The following PGC variants were observed in gnomAD, a reference collection of about 807,000 sequenced individuals.
The protein encoded by PGC is gastricsin.
PGC carries 31 observed loss-of-function variants against 45.9 expected under a neutral mutation model. The observed-to-expected ratio is 0.67, with a 90% CI of 0.51 to 0.91. The LOEUF is 0.91. Among genes scored for constraint, PGC ranks in the 40% least tolerant of loss-of-function variants. The pLI, the probability that PGC is intolerant of heterozygous loss-of-function variation, is 0.00. For synonymous variants in PGC, 192 were observed against 201.8 expected, an observed-to-expected ratio of 0.95 and a Z score of 0.41; for missense variants, 477 against 493.2, an observed-to-expected ratio of 0.97 and a Z score of 0.31.
At position 41,742,406 on chromosome 6, in the gene PGC, A is replaced by G; in HGVS notation, c.531T>C (p.Asp177=). The part of the protein sequence containing the change: ...PGTNFVYAQF[D]GIMGLAYPAL... Reference sequence around the variant, plus strand: ...CAGGGTAGGCCAGGCCCATGATGCCATCAAACTGCGCATAGACGAAGTTGG... The same window carrying G: ...CAGGGTAGGCCAGGCCCATGATGCCGTCAAACTGCGCATAGACGAAGTTGG... Residue 177 remains aspartate (D), a synonymous_variant, in exon 5 of 9, where the codon GAT becomes GAC. Coordinates refer to ENST00000373025, the MANE Select transcript of PGC (RefSeq NM_002630.4). The G allele has an allele frequency of 6.2e-7, 1 of 1,614,144 alleles. No homozygotes were observed. Among genetic ancestry groups the G allele is most frequent in the Non-Finnish European group, 8.5e-7 (1 of 1,180,014 alleles).
At position 41,740,518 on chromosome 6, in the gene PGC, T is replaced by A; in HGVS notation, c.740A>T (p.Glu247Val). 1.2e-6 allele frequency: 2 copies of A among 1,610,392 alleles called. No homozygotes were observed. The highest frequency in any genetic ancestry group is 1.7e-6 in the Non-Finnish European group (2 of 1,178,258). Reference protein sequence around the residue: ...GQIYWAPVTQELYWQIGIEEF... With the variant: ...GQIYWAPVTQVLYWQIGIEEF... ...TTCAATGCCAATCTGCCAGTAGAGTTCCTGGGTGACAGGCGCCCAGTAGAT... is the reference window on the plus strand; with the variant it reads ...TTCAATGCCAATCTGCCAGTAGAGTACCTGGGTGACAGGCGCCCAGTAGAT... Residue 247 changes from glutamate to valine, a missense_variant, in exon 6 of 9, where the codon GAA (glutamate) becomes GTA (valine). Coordinates refer to ENST00000373025, the MANE Select transcript of PGC (RefSeq NM_002630.4).
intron 7 of PGC, among the ~76,000 whole-genome samples, chr6:41,738,296 A>T (rs1158025694): frequency 6.8e-6 from 1 of 147,654 alleles, no homozygotes. Flanking sequence ...ATACACAGGC[A>T]TGAGCCATGA....
chr6:41,740,998 T>C (rs2127289624), intron 5 of PGC: 1 of 1,534,136 alleles, frequency 6.5e-7, no homozygotes, highest in Non-Finnish European at 8.7e-7. Flanking sequence ...TGATGCTGAC[T>C]TCTGGGGGGT....
chr6:41,740,841 G>A (rs776307126), intron 5 of PGC: 12 of 1,429,184 alleles, frequency 8.4e-6, no homozygotes, highest in Non-Finnish European at 1.1e-5. Flanking sequence ...GCCTCCCTGA[G>A]GACGAGTCTG....
At chr6:41,741,568 T>C (rs1771824112) in intron 5 of PGC, among the ~76,000 whole-genome samples, 1 of 152,046 alleles carries the variant, frequency 6.6e-6, no homozygotes, top group Non-Finnish European at 1.5e-5. Flanking sequence ...ATAGCTTGAA[T>C]CCGGGAGGCA....
At position 41,744,747 on chromosome 6, in the gene PGC, C is replaced by G. The variant is rs1209329149; in HGVS notation, c.121G>C (p.Glu41Gln). 1 of 1,613,992 alleles carries G rather than the reference C, an allele frequency of 6.2e-7. No homozygotes were observed. The highest frequency in any genetic ancestry group is 8.5e-7 in the Non-Finnish European group (1 of 1,179,876). The change falls in exon 2 of 9, where the codon GAG becomes CAG. Residue 41 changes from glutamate to glutamine, a missense_variant. By Grantham distance (29) the Glu-to-Gln change is conservative. Coordinates refer to ENST00000373025, the MANE Select transcript of PGC (RefSeq NM_002630.4). The surrounding 1 kb of genome is among the most constrained non-coding windows in gnomAD (Gnocchi z 4.4). ...TCATACTTGTGGGTCCTCAGGAACT[C>G]CCCCAGCAAGCCCTTCTCCTTCATG... ...ETMKEKGLLG[E>Q]FLRTHKYDPA... is the part of the protein sequence containing the mutation.
rs182594075 is a variant in PGC, at chr6:41,736,835, G to A, written c.*17C>T. Reference sequence around the variant, plus strand: ...GGTCAAGAGGAAGAGGGGAGCCCACGTGTCGAGGCAGCAAGTCTAGGCGGC... The same window carrying A: ...GGTCAAGAGGAAGAGGGGAGCCCACATGTCGAGGCAGCAAGTCTAGGCGGC... On this transcript the variant is annotated 3_prime_UTR_variant, in exon 9 of 9. Coordinates refer to ENST00000373025, the MANE Select transcript of PGC (RefSeq NM_002630.4). 120 of 1,613,870 alleles carry A rather than the reference G, an allele frequency of 7.4e-5. No homozygotes were observed. In the African/African-American group the frequency reaches 1.2e-3, roughly 16 times the overall value.
intron 1 of PGC, among the ~76,000 whole-genome samples, chr6:41,745,899 A>C (rs1272783620): frequency 2.0e-5 from 3 of 150,202 alleles, no homozygotes; most frequent in Non-Finnish European, 4.4e-5. Context: ...ACGGTAGCTC[A>C]CGCCTGTAAT....
chr6:41,737,896 C>T, intron 7 of PGC, 68 bp from the exon 8 acceptor site: 1 of 938,222 alleles, frequency 1.1e-6, no homozygotes, highest in Admixed American at 1.8e-5. Flanking sequence ...CCCATCATCT[C>T]AGCCCCTGGA....
intron 7 of PGC, 26 bp downstream of exon 7, chr6:41,739,773 A>G (rs746810310): frequency 1.3e-6 from 2 of 1,591,454 alleles, no homozygotes; most frequent in Non-Finnish European, 8.6e-7. Context: ...CCTCCTGGGG[A>G]AGAGAGACAC....
chr6:41,738,155 T>TGCACACAC (rs1307292218), intron 7 of PGC, among the ~76,000 whole-genome samples: 1 of 33,008 alleles, frequency 3.0e-5, no homozygotes, highest in Non-Finnish European at 5.7e-5. Flanking sequence ...CATATATATA[T>TGCACACAC]ACATATATAT....
intron 3 of PGC, among the ~76,000 whole-genome samples, chr6:41,743,906 C>T (rs1771877693): frequency 6.6e-6 from 1 of 152,198 alleles, no homozygotes; most frequent in African/African-American, 2.4e-5. Context: ...CCAAGGCAAC[C>T]TTAAGAAAGC....
intron 4 of PGC, among the ~76,000 whole-genome samples, chr6:41,742,909 C>T (rs181276622): frequency 6.6e-6 from 1 of 152,222 alleles, no homozygotes; most frequent in East Asian, 1.9e-4. Context: ...CAGGCGTGAG[C>T]CACCGTAGCC....
chr6:41,741,158 G>T (rs1004620617), intron 5 of PGC: 27 of 1,536,692 alleles, frequency 1.8e-5, no homozygotes, highest in Non-Finnish European at 2.4e-5. Context: ...TGGTGAAGGG[G>T]GTAAGGATAT....
Position 41,742,405 on chromosome 6 carries a change from C to T in PGC, c.532G>A (p.Gly178Ser). ...GCAGGGTAGGCCAGGCCCATGATGC[C>T]ATCAAACTGCGCATAGACGAAGTTG... is the stretch of plus-strand genomic sequence containing the variant. ...GTNFVYAQFD[G>S]IMGLAYPALS... The change falls in exon 5 of 9, where the codon GGC becomes AGC. Residue 178 changes from glycine to serine, a missense_variant. Physicochemically the swap from Gly to Ser is moderately conservative, Grantham distance 56. Transcript: ENST00000373025. The T allele has an allele frequency of 6.2e-7, 1 of 1,614,126 alleles. No individual in the cohort carries two copies. The highest frequency in any genetic ancestry group is 8.5e-7 in the Non-Finnish European group (1 of 1,180,014).
Position 41,744,577 on chromosome 6 carries a change from G to C in PGC, c.211-63C>G, listed in dbSNP as rs1461727594. 6.3e-7 allele frequency: 1 copy of C among 1,584,576 alleles called. No individual in the cohort carries two copies. Among genetic ancestry groups the C allele is most frequent in the African/African-American group, 1.4e-5 (1 of 74,042 alleles). ...TCCAGGGGCCCCAGGCTCCTCCATG[G>C]GCAGAGGAGTGAAGGGACCTGCCCC... On this transcript the variant is annotated intron_variant, in intron 2 of 8. Transcript: ENST00000373025. The surrounding 1 kb of genome is among the most constrained non-coding windows in gnomAD (Gnocchi z 4.4).
At chr6:41,738,682 C>T (rs1771762344) in intron 7 of PGC, among the ~76,000 whole-genome samples, 2 of 151,472 alleles carry the variant, frequency 1.3e-5, no homozygotes, top group South Asian at 2.1e-4. Flanking sequence ...GATGGCTGGG[C>T]GTGGTGGCTC....
rs767460470 is a variant in PGC, at chr6:41,736,784, A to G, written c.*68T>C. 1.3e-6 allele frequency: 2 copies of G among 1,494,778 alleles called. No homozygotes were observed. Among genetic ancestry groups the G allele is most frequent in the Non-Finnish European group, 1.9e-6 (2 of 1,071,548 alleles). The allele number at this position is 1,494,778 out of a possible 1,614,324, so 92.6% of individuals were successfully genotyped here. The stretch of plus-strand genomic sequence containing the variant: ...AAGGCTGAATCCAGAGTGGAAAGAC[A>G]GATACAATGCCCTAGGAGGGTGCAG... On this transcript the variant is annotated 3_prime_UTR_variant, in exon 9 of 9. Coordinates refer to ENST00000373025, the MANE Select transcript of PGC (RefSeq NM_002630.4).
chr6:41,740,980 C>T, intron 5 of PGC: 1 of 1,524,180 alleles, frequency 6.6e-7, no homozygotes, highest in Non-Finnish European at 8.8e-7. Flanking sequence ...GCGCCTCAGG[C>T]TCCCGAATGA....
Sources: allele counts gnomAD v4.1 joint callset (sites outside exome capture counted in the v4.1 genomes callset), GRCh38; gene constraint gnomAD v4.1.1; non-coding constraint Gnocchi (gnomAD v3.1); transcripts MANE v1.5; gene names NCBI Gene and HGNC (gene_info 2026-07-23, HGNC 2026-07-21).